The following CUL4B variants were observed in gnomAD, a reference collection of about 807,000 sequenced individuals.
The protein encoded by CUL4B is cullin-4B.
In CUL4B, 1 loss-of-function variant was observed where a neutral mutation model predicts 69.2. The observed-to-expected ratio is 0.01, with a 90% CI of 0.01 to 0.07. The LOEUF (loss-of-function observed/expected upper bound fraction) is 0.07, where lower values mean the gene tolerates loss of function less well. CUL4B is among the 10% of genes least tolerant of loss of function. The probability of loss-of-function intolerance (pLI) is 1.00; values close to 1 mark genes in which losing one functional copy is unlikely to be tolerated. For synonymous variants in CUL4B, 237 were observed against 223.2 expected (o/e 1.06, Z -0.55); for missense variants, 328 against 638.8 (o/e 0.51, Z 5.24).
intron 2 of CUL4B, among the ~76,000 whole-genome samples, chrX:120,550,123 G>T (rs1427536831): frequency 9.0e-6 from 1 of 111,407 alleles, no homozygotes; most frequent in Non-Finnish European, 1.9e-5. Flanking sequence ...GACTCACATG[G>T]CACTCGCACC....
chrX:120,551,872 A>G (rs1924710098), intron 2 of CUL4B, among the ~76,000 whole-genome samples: 1 of 111,699 alleles, frequency 9.0e-6, no homozygotes, highest in Admixed American at 9.5e-5. Flanking sequence ...AGTTTTGGAC[A>G]CAGTAAGCAG....
In CUL4B at chrX:120,536,944, C is replaced by T; in HGVS notation, c.2029G>A (p.Val677Ile). 1 of 1,198,690 alleles carries T rather than the reference C, an allele frequency of 8.3e-7. No individual in the cohort carries two copies. Among genetic ancestry groups the T allele is most frequent in the Non-Finnish European group, 1.1e-6 (1 of 883,631 alleles). The stretch of plus-strand genomic sequence containing the variant: ...ACTCTTACCTCTGGTGGTAAATGAA[C>T]TTCCATAGGCACATATGTCGGCCAA... ...GYWPTYVPME[V>I]HLPPEMVKLQ... Residue 677 changes from valine to isoleucine, a missense_variant, in exon 15 of 20, where the codon GTT (valine) becomes ATT (isoleucine). Physicochemically the swap from Val to Ile is conservative, Grantham distance 29. Transcript: ENST00000371322.
intron 11 of CUL4B, among the ~76,000 whole-genome samples, chrX:120,539,643 G>A (rs921821585): frequency 9.0e-6 from 1 of 111,711 alleles, no homozygotes; most frequent in Non-Finnish European, 1.9e-5. Flanking sequence ...AATAGGATAC[G>A]GATATCCTGT....
intron 17 of CUL4B, among the ~76,000 whole-genome samples, chrX:120,533,814 T>A (rs1923475251): frequency 9.0e-6 from 1 of 111,584 alleles, no homozygotes. Flanking sequence ...ACACCTGTAA[T>A]CCCAGCACTT....
intron 1 of CUL4B, among the ~76,000 whole-genome samples, chrX:120,574,871 C>T (rs1309931205): frequency 8.9e-6 from 1 of 112,190 alleles, no homozygotes; most frequent in African/African-American, 3.2e-5. Context: ...GCAGGGAAAA[C>T]ACATTTGTTA....
intron 12 of CUL4B, 134 bp downstream of exon 12, chrX:120,539,134 C>T: frequency 4.4e-6 from 2 of 452,096 alleles, no homozygotes; most frequent in Non-Finnish European, 7.5e-6. Context: ...CTCACGTATC[C>T]CCCCAATGAA....
rs774860011 is a variant in CUL4B at position 120,543,751 on chromosome X, A to G, written c.1232T>C (p.Ile411Thr). 2.5e-6 allele frequency: 3 copies of G among 1,200,098 alleles called. No homozygotes were observed. The highest frequency in any genetic ancestry group is 1.8e-5 in the African/African-American group (1 of 57,014). ...CTGGGTGGTCTGATCTAAGTAAGTA[A>G]TAAGTCTGTCTGCTTCTTCTTCTAG... ...KRLEEEADRL[I>T]TYLDQTTQKS... The change falls in exon 8 of 20, where the codon ATT (isoleucine) becomes ACT (threonine). Residue 411 changes from isoleucine to threonine, a missense_variant. Transcript: ENST00000371322.
chrX:120,538,229 A>G lies in CUL4B; in HGVS notation c.1853-20T>C. The G allele has an allele frequency of 2.9e-6, 3 of 1,045,647 alleles. No individual in the cohort carries two copies. Among genetic ancestry groups the G allele is most frequent in the South Asian group, 2.0e-5 (1 of 50,399 alleles). 86.2% of individuals were successfully genotyped at this position (1,045,647 alleles called of 1,213,427 possible). A position where few individuals can be genotyped will look rare whatever the true frequency, so the allele number is the denominator to read the frequency against. ...CGCATTCTATTAAAGATGTTTGTAC[A>G]TGTATAATATTTTAAAGTGGTAAAA... On this transcript the variant is annotated intron_variant, in intron 13 of 19. Coordinates refer to ENST00000371322, the MANE Select transcript of CUL4B (RefSeq NM_001079872.2).
downstream of CUL4B, among the ~76,000 whole-genome samples, chrX:120,568,767 G>C (rs760806030): frequency 8.9e-6 from 1 of 111,998 alleles, no homozygotes; most frequent in Non-Finnish European, 1.9e-5. Context: ...CAGATAAGAA[G>C]TAGGCTCAGC....
intron 9 of CUL4B, among the ~76,000 whole-genome samples, chrX:120,542,192 T>C (rs961065171): frequency 8.9e-6 from 1 of 112,308 alleles, no homozygotes; most frequent in Non-Finnish European, 1.9e-5. Context: ...CTGGCTTACA[T>C]AAATATACAT....
chrX:120,550,540 A>G, intron 2 of CUL4B, among the ~76,000 whole-genome samples: 1 of 111,641 alleles, frequency 9.0e-6, no homozygotes, highest in South Asian at 3.7e-4. Context: ...AGTCCCAAAG[A>G]CCCACAGGGA....
chrX:120,560,785 G>T lies in CUL4B; in HGVS notation c.-147C>A, dbSNP rs1285117935. ...CAGAGGACGAGAAGGAAAGTGAAGG[G>T]GGGGGCTACACCGGGGGAATGGGAG... On this transcript the variant is annotated 5_prime_UTR_variant, in exon 1 of 20. Transcript: ENST00000371322. 1.6e-6 allele frequency: 1 copy of T among 626,820 alleles called. No individual in the cohort carries two copies. The highest frequency in any genetic ancestry group is 2.0e-6 in the Non-Finnish European group (1 of 488,419). The allele number at this position is 626,820 out of a possible 1,213,427, so 51.7% of individuals were successfully genotyped here.
At chrX:120,561,113 G>A (rs757938851), upstream of CUL4B, 248 of 1,031,014 alleles carry the variant, frequency 2.4e-4, 1 homozygote, top group Admixed American at 2.8e-3. Context: ...ACGCGGCGCC[G>A]AGGGAGGGGC....
Position 120,526,727 on chromosome X carries a change from T to C in CUL4B, c.*34A>G, listed in dbSNP as rs1169777391. On this transcript the variant is annotated 3_prime_UTR_variant, in exon 20 of 20. Coordinates refer to ENST00000371322, the MANE Select transcript of CUL4B (RefSeq NM_001079872.2). Reference sequence around the variant, plus strand: ...ACAGGTTAGTTTATCCACTGGCTACTGCATATGACACCAAATGCTGCAAGG... The same window carrying C: ...ACAGGTTAGTTTATCCACTGGCTACCGCATATGACACCAAATGCTGCAAGG... 1 of 943,909 alleles carries C rather than the reference T, an allele frequency of 1.1e-6. No homozygotes were observed. The highest frequency in any genetic ancestry group is 1.5e-6 in the Non-Finnish European group (1 of 658,461). The allele number at this position is 943,909 out of a possible 1,213,427, so 77.8% of individuals were successfully genotyped here.
intron 17 of CUL4B, 48 bp from the exon 18 acceptor site, chrX:120,532,642 TACG>T: frequency 9.7e-7 from 1 of 1,028,834 alleles, no homozygotes; most frequent in Non-Finnish European, 1.4e-6. Flanking sequence ...CATGAACAAC[TACG>T]ACATTCTACC....
upstream of CUL4B, among the ~76,000 whole-genome samples, chrX:120,566,345 G>GTATATATATATATATATA (rs537274243): frequency 4.2e-4 from 17 of 40,956 alleles, 1 homozygote; most frequent in East Asian, 5.7e-3. Flanking sequence ...GTGTGTATAG[G>GTATATATATATATATATA]TATATATATA....
At chrX:120,539,957 G>A (rs973382950) in intron 11 of CUL4B, among the ~76,000 whole-genome samples, 1 of 111,489 alleles carries the variant, frequency 9.0e-6, no homozygotes, top group Non-Finnish European at 1.9e-5. Flanking sequence ...GCACTGTAGT[G>A]TATATCACAT....
chrX:120,575,259 T>C (rs1925836471), intron 1 of CUL4B: 1 of 112,611 alleles, frequency 8.9e-6, no homozygotes, highest in African/African-American at 3.2e-5. Flanking sequence ...TAGCACAACA[T>C]TGAGAATAAC....
chrX:120,535,704 C>CAAAAAAAA (rs71820203), intron 16 of CUL4B, 126 bp downstream of exon 16: 4 of 189,759 alleles, frequency 2.1e-5, no homozygotes, highest in East Asian at 1.1e-4. Context: ...GACTCTGTCT[C>CAAAAAAAA]AAAAAAAAAA....
Sources: allele counts gnomAD v4.1 joint callset (sites outside exome capture counted in the v4.1 genomes callset), GRCh38; gene constraint gnomAD v4.1.1; transcripts MANE v1.5; gene names NCBI Gene and HGNC (gene_info 2026-07-23, HGNC 2026-07-21).